The following REL variants were observed in gnomAD, a reference collection of about 807,000 sequenced individuals.
REL encodes proto-oncogene c-Rel.
In REL, 15 loss-of-function variants were observed where a neutral mutation model predicts 45.9. The ratio of observed to expected loss-of-function variants is 0.33; its 90% CI spans 0.22 to 0.50. The LOEUF (loss-of-function observed/expected upper bound fraction) is 0.50, where lower values mean the gene tolerates loss of function less well. Among genes scored for constraint, REL ranks in the 20% least tolerant of loss-of-function variants. The probability of loss-of-function intolerance (pLI) is 0.98; values close to 1 mark genes in which losing one functional copy is unlikely to be tolerated. For synonymous variants in REL, 239 were observed against 242.1 expected (o/e 0.99, Z 0.12); for missense variants, 601 against 715.2 (o/e 0.84, Z 1.82).
chr2:60,883,097 G>A (rs1672987512), intron 1 of REL, among the ~76,000 whole-genome samples: 1 of 152,108 alleles, frequency 6.6e-6, no homozygotes, highest in African/African-American at 2.4e-5. Context: ...GACAGAGGAA[G>A]CAGCGTGAGC....
At chr2:60,913,756 C>T (rs1673884492) in intron 4 of REL, among the ~76,000 whole-genome samples, 1 of 152,102 alleles carries the variant, frequency 6.6e-6, no homozygotes, top group South Asian at 2.1e-4. Flanking sequence ...TTTTCATGAC[C>T]TTGTTAGCTC....
In REL at chr2:60,881,752, A is replaced by G; in HGVS notation, c.-89A>G. On this transcript the variant is annotated 5_prime_UTR_variant, in exon 1 of 10. Transcript: ENST00000394479. Reference sequence around the variant, plus strand: ...GGGGGACTGGGGGCCCCGCCGGCAGAGGTCCCTCGGCCTCCTGACTGACTG... The same window carrying G: ...GGGGGACTGGGGGCCCCGCCGGCAGGGGTCCCTCGGCCTCCTGACTGACTG... 2.5e-6 allele frequency: 3 copies of G among 1,218,802 alleles called. No individual in the cohort carries two copies. The highest frequency in any genetic ancestry group is 1.3e-5 in the South Asian group (1 of 76,230). The allele number at this position is 1,218,802 out of a possible 1,614,324, so 75.5% of individuals were successfully genotyped here.
intron 5 of REL, among the ~76,000 whole-genome samples, chr2:60,917,410 A>G (rs1003189861): frequency 6.6e-6 from 1 of 151,868 alleles, no homozygotes; most frequent in Non-Finnish European, 1.5e-5. Context: ...TTATGTAGTT[A>G]TATCATAATT....
chr2:60,894,716 C>G (rs1236551751), intron 3 of REL, among the ~76,000 whole-genome samples, 171 bp downstream of exon 3: 4 of 152,084 alleles, frequency 2.6e-5, no homozygotes, highest in Non-Finnish European at 5.9e-5. Flanking sequence ...CCCTTTCATT[C>G]TTTATTAGTA....
chr2:60,893,356 T>C (rs1673268174), intron 2 of REL, among the ~76,000 whole-genome samples: 1 of 152,356 alleles, frequency 6.6e-6, no homozygotes, highest in East Asian at 1.9e-4. Flanking sequence ...ATCACATTTT[T>C]GGCAGTAATA....
intron 1 of REL, among the ~76,000 whole-genome samples, chr2:60,884,982 G>A (rs1226026854): frequency 2.0e-5 from 3 of 152,134 alleles, no homozygotes; most frequent in African/African-American, 7.2e-5. Context: ...TGCCACACAT[G>A]AGCATGAATG....
chr2:60,917,701 T>TAC (rs1674017242), intron 5 of REL, among the ~76,000 whole-genome samples: 1 of 150,302 alleles, frequency 6.7e-6, no homozygotes, highest in Admixed American at 6.6e-5. Context: ...TGTGTGTGTG[T>TAC]GTGTGTGTGT....
At position 60,917,148 on chromosome 2, in the gene REL, T is replaced by C. The variant is rs35620572; in HGVS notation, c.535+131T>C. On this transcript the variant is annotated intron_variant, in intron 5 of 9. Transcript: ENST00000394479. ...AAAACTTCCAGACATTAGAGAAATATATAACAGAAAGGAAATCTTCTCTAA... is the reference window on the plus strand; with the variant it reads ...AAAACTTCCAGACATTAGAGAAATACATAACAGAAAGGAAATCTTCTCTAA... 1.9e-4 allele frequency: 142 copies of C among 749,982 alleles called. No individual in the cohort carries two copies. In the African/African-American group the frequency reaches 1.9e-3, roughly 10 times the overall value. The allele number at this position is 749,982 out of a possible 1,614,324, so 46.5% of individuals were successfully genotyped here. A position where few individuals can be genotyped will look rare whatever the true frequency, so the allele number is the denominator to read the frequency against.
Position 60,922,718 on chromosome 2 carries a change from T to C in REL, c.*183T>C. 1 of 1,219,382 alleles carries C rather than the reference T, an allele frequency of 8.2e-7. No individual in the cohort carries two copies. The highest frequency in any genetic ancestry group is 1.0e-6 in the Non-Finnish European group (1 of 978,278). 75.5% of individuals were successfully genotyped at this position (1,219,382 alleles called of 1,614,324 possible). On this transcript the variant is annotated 3_prime_UTR_variant, in exon 10 of 10. Coordinates refer to ENST00000394479, the MANE Select transcript of REL (RefSeq NM_001291746.2). Reference sequence around the variant, plus strand: ...GGGAAGAAGCATACAACTTTGGACATAGCGAATACAAAATTGGAAGCTGTC... The same window carrying C: ...GGGAAGAAGCATACAACTTTGGACACAGCGAATACAAAATTGGAAGCTGTC...
chr2:60,906,423 T>C (rs1053080407), intron 4 of REL, among the ~76,000 whole-genome samples: 6 of 152,216 alleles, frequency 3.9e-5, no homozygotes, highest in Non-Finnish European at 7.3e-5. Context: ...AAAATCTCTA[T>C]CTGAGATGAT....
chr2:60,893,904 C>T (rs1369290713), intron 2 of REL, among the ~76,000 whole-genome samples: 1 of 152,098 alleles, frequency 6.6e-6, no homozygotes, highest in Non-Finnish European at 1.5e-5. Context: ...TGATTTATTG[C>T]CTATTCTAGA....
At chr2:60,895,064 G>T (rs1456169949) in intron 3 of REL, among the ~76,000 whole-genome samples, 1 of 151,516 alleles carries the variant, frequency 6.6e-6, no homozygotes, top group Non-Finnish European at 1.5e-5. Flanking sequence ...TCTCCATGTT[G>T]GTCAGGCTGG....
chr2:60,904,520 G>A (rs1048830590), intron 4 of REL, among the ~76,000 whole-genome samples: 3 of 151,402 alleles, frequency 2.0e-5, no homozygotes, highest in East Asian at 1.9e-4. Flanking sequence ...GTGGTGAGCC[G>A]AGATCACGCC....
rs1231458010 is a variant in REL, at chr2:60,928,174, G to C, written c.*5639G>C. 5.9e-6 allele frequency: 1 copy of C among 170,818 alleles called. No homozygotes were observed. Among genetic ancestry groups the C allele is most frequent in the Non-Finnish European group, 1.2e-5 (1 of 80,056 alleles). The allele number at this position is 170,818 out of a possible 1,614,324, so 10.6% of individuals were successfully genotyped here. ...CTCTGCAAAAAAAAAAAAAAAAAGA[G>C]GATACAACCAAATGGAAGAACATTC... On this transcript the variant is annotated 3_prime_UTR_variant, in exon 10 of 10. Transcript: ENST00000394479.
chr2:60,892,753 T>TA (rs1673248421), intron 2 of REL, among the ~76,000 whole-genome samples: 4 of 151,872 alleles, frequency 2.6e-5, no homozygotes, highest in Admixed American at 6.6e-5. Context: ...TTTATTTATT[T>TA]TTTTATTTTT....
chr2:60,882,073 C>T (rs141273385), intron 1 of REL, among the ~76,000 whole-genome samples: 3 of 152,288 alleles, frequency 2.0e-5, no homozygotes, highest in East Asian at 3.9e-4. Flanking sequence ...ATAGCAGGAA[C>T]CTTAGAAATT....
In REL at chr2:60,924,382, T is replaced by G. The variant is rs1315071064; in HGVS notation, c.*1847T>G. 1 of 215,902 alleles carries G rather than the reference T, an allele frequency of 4.6e-6. No homozygotes were observed. The highest frequency in any genetic ancestry group is 9.3e-6 in the Non-Finnish European group (1 of 107,270). The allele number at this position is 215,902 out of a possible 1,614,324, so 13.4% of individuals were successfully genotyped here. On this transcript the variant is annotated 3_prime_UTR_variant, in exon 10 of 10. Coordinates refer to ENST00000394479, the MANE Select transcript of REL (RefSeq NM_001291746.2). ...TTATATTAAACACTCAGTAAATGTT[T>G]ATTGAACATTAAAAGTATTACTAAT...
chr2:60,908,411 CG>C lies in REL; in HGVS notation c.394+7332del, dbSNP rs1260699796. 1.6e-4 allele frequency among the ~76,000 whole-genome samples: 24 copies of C among 152,050 alleles called. 1 individual carries two copies. The highest frequency in any genetic ancestry group is 1.5e-3 in the Admixed American group (23 of 15,264). On this transcript the variant is annotated intron_variant, in intron 4 of 9. Transcript: ENST00000394479. ...AAACTAAGAAACAGTCTCTAGCAAA[CG>C]GGGCATAAAGCAGTCTAATACTGTC...
Position 60,922,204 on chromosome 2 carries a change from A to T in REL, c.1433A>T (p.Asp478Val). 6.2e-7 allele frequency: 1 copy of T among 1,614,214 alleles called. No homozygotes were observed. Among genetic ancestry groups the T allele is most frequent in the Non-Finnish European group, 8.5e-7 (1 of 1,180,024 alleles). The change falls in exon 10 of 10, where the codon GAT (aspartate) becomes GTT (valine). Residue 478 changes from aspartate (D) to valine (V), a missense_variant. This residue lies in a region of REL where 334 missense variants were observed against 333.1 expected (regional missense o/e 1.00). Transcript: ENST00000394479. ...TTSSDSMGET[D>V]NPRLLSMNLE... ...AGCAGTGACAGCATGGGAGAGACTGATAATCCAAGACTTCTGAGCATGAAT... is the reference window on the plus strand; with the variant it reads ...AGCAGTGACAGCATGGGAGAGACTGTTAATCCAAGACTTCTGAGCATGAAT...
Sources: allele counts gnomAD v4.1 joint callset (sites outside exome capture counted in the v4.1 genomes callset), GRCh38; gene constraint gnomAD v4.1.1; regional missense constraint gnomAD v4.1.1; transcripts MANE v1.5; gene names NCBI Gene and HGNC (gene_info 2026-07-23, HGNC 2026-07-21).